NTNG1: variants seen among roughly 807,000 people sequenced by gnomAD.
NTNG1 encodes the protein netrin G1, also known as netrin-G1.
A neutral mutation model predicts 54.0 loss-of-function variants in NTNG1; 16 were observed. The ratio of observed to expected loss-of-function variants is 0.30; its 90% CI spans 0.20 to 0.45. NTNG1 has a LOEUF of 0.45. Among genes scored for constraint, NTNG1 ranks in the 20% least tolerant of loss-of-function variants. The pLI is 1.00. For synonymous variants in NTNG1, 255 were observed against 263.1 expected, an observed-to-expected ratio of 0.97 and a Z score of 0.30; for missense variants, 530 against 678.7, an observed-to-expected ratio of 0.78 and a Z score of 2.43.
chr1:107,179,730 C>A (rs1327890526), intron 2 of NTNG1, among the ~76,000 whole-genome samples: 1 of 152,000 alleles, frequency 6.6e-6, no homozygotes, highest in East Asian at 1.9e-4. Flanking sequence ...TTTCCTGATC[C>A]TCTCCCTCCT....
At chr1:107,327,389 G>C (rs935768524) in intron 3 of NTNG1, among the ~76,000 whole-genome samples, 1 of 152,114 alleles carries the variant, frequency 6.6e-6, no homozygotes, top group Admixed American at 6.6e-5. Flanking sequence ...GTCTGGTTCA[G>C]GGGCCTTTCA....
chr1:107,307,331 GC>G (rs1396953202), intron 2 of NTNG1, among the ~76,000 whole-genome samples: 2 of 152,148 alleles, frequency 1.3e-5, no homozygotes, highest in African/African-American at 2.4e-5. Flanking sequence ...TACAAAGGAG[GC>G]TTTTATAAGA....
intron 3 of NTNG1, among the ~76,000 whole-genome samples, chr1:107,376,116 CAT>C (rs1392562151): frequency 6.6e-6 from 1 of 152,230 alleles, no homozygotes; most frequent in Non-Finnish European, 1.5e-5. Context: ...ATCATCAAAA[CAT>C]ATAATAATAT....
intron 2 of NTNG1, among the ~76,000 whole-genome samples, chr1:107,156,868 T>C (rs1333188335): frequency 6.6e-6 from 1 of 152,170 alleles, no homozygotes; most frequent in Admixed American, 6.5e-5. Context: ...CTTGACCACA[T>C]GGTATTAAGC....
intron 2 of NTNG1, among the ~76,000 whole-genome samples, chr1:107,227,800 A>G (rs1211317343): frequency 6.6e-6 from 1 of 152,108 alleles, no homozygotes; most frequent in Non-Finnish European, 1.5e-5. Context: ...CTTCTTAGAT[A>G]TACTTGAATT....
At chr1:107,454,228 AT>A in intron 7 of NTNG1, among the ~76,000 whole-genome samples, 1 of 152,234 alleles carries the variant, frequency 6.6e-6, no homozygotes, top group South Asian at 2.1e-4. Context: ...AGGCTTACCA[AT>A]TCTCTCTCAC....
intron 2 of NTNG1, among the ~76,000 whole-genome samples, chr1:107,263,136 C>A (rs1174770278): frequency 2.6e-5 from 4 of 152,158 alleles, no homozygotes; most frequent in African/African-American, 9.7e-5. Flanking sequence ...AACCCTGAAG[C>A]TTTGAAATGT....
chr1:107,213,388 T>C (rs1207177968), intron 2 of NTNG1, among the ~76,000 whole-genome samples: 3 of 152,140 alleles, frequency 2.0e-5, no homozygotes, highest in Admixed American at 6.5e-5. Flanking sequence ...CCTGCCACGC[T>C]CTCTCCGCTT....
chr1:107,460,949 G>A (rs1677246288), intron 7 of NTNG1, among the ~76,000 whole-genome samples: 1 of 152,274 alleles, frequency 6.6e-6, no homozygotes, highest in South Asian at 2.1e-4. Flanking sequence ...CCTAGGGTAA[G>A]AGACCAATTA....
intron 7 of NTNG1, among the ~76,000 whole-genome samples, chr1:107,471,275 AAACC>A (rs1017715162): frequency 6.6e-6 from 1 of 152,182 alleles, no homozygotes; most frequent in African/African-American, 2.4e-5. Flanking sequence ...CATTATGCTG[AAACC>A]AAGTAGGTCG....
chr1:107,203,318 C>A (rs1458919854), intron 2 of NTNG1, among the ~76,000 whole-genome samples: 1 of 149,542 alleles, frequency 6.7e-6, no homozygotes, highest in African/African-American at 2.5e-5. Context: ...CTGAAAATGT[C>A]TTTTTTTTTG....
At chr1:107,402,098 T>C (rs1001845428) in intron 4 of NTNG1, among the ~76,000 whole-genome samples, 52 of 152,286 alleles carry the variant, frequency 3.4e-4, no homozygotes, top group African/African-American at 1.2e-3. Context: ...ACTGCCTGTC[T>C]ATTCAACCAC....
At chr1:107,461,603 G>A (rs1571012170) in intron 7 of NTNG1, among the ~76,000 whole-genome samples, 4 of 150,004 alleles carry the variant, frequency 2.7e-5, no homozygotes, top group Non-Finnish European at 3.0e-5. Context: ...GCACAGTCTC[G>A]GCTCACTGCA....
intron 2 of NTNG1, among the ~76,000 whole-genome samples, chr1:107,257,576 C>T (rs967748149): frequency 3.3e-5 from 5 of 152,172 alleles, no homozygotes; most frequent in Non-Finnish European, 7.3e-5. Context: ...CACAGCGGCT[C>T]CAGTCACCTG....
At chr1:107,461,251 T>C (rs1412815447) in intron 7 of NTNG1, among the ~76,000 whole-genome samples, 1 of 152,174 alleles carries the variant, frequency 6.6e-6, no homozygotes, top group Non-Finnish European at 1.5e-5. Flanking sequence ...TGAATAGTCA[T>C]TGAAGGTCTT....
intron 3 of NTNG1, among the ~76,000 whole-genome samples, chr1:107,389,622 C>A (rs891632860): frequency 6.6e-6 from 1 of 152,174 alleles, no homozygotes; most frequent in African/African-American, 2.4e-5. Context: ...CTAGAGCTCA[C>A]TTTTTCTTTT....
At chr1:107,318,485 G>A (rs1158809621) in intron 2 of NTNG1, among the ~76,000 whole-genome samples, 1 of 151,334 alleles carries the variant, frequency 6.6e-6, no homozygotes, top group African/African-American at 2.4e-5. Flanking sequence ...AAATCATATT[G>A]AGGTTGCTAA....
At chr1:107,284,315 C>T (rs900244667) in intron 2 of NTNG1, among the ~76,000 whole-genome samples, 2 of 152,090 alleles carry the variant, frequency 1.3e-5, no homozygotes, top group African/African-American at 4.8e-5. Flanking sequence ...GAATTTGGGC[C>T]ACTCTTGATG....
intron 3 of NTNG1, among the ~76,000 whole-genome samples, chr1:107,384,372 T>A (rs947021782): frequency 3.9e-5 from 6 of 152,194 alleles, no homozygotes; most frequent in African/African-American, 1.4e-4. Flanking sequence ...ACTCATTTAT[T>A]GCCTAAATGT....
Sources: gnomAD v4.1 joint callset for allele counts (sites outside exome capture counted in the v4.1 genomes callset) on GRCh38, gnomAD v4.1.1 for gene constraint, MANE v1.5 for transcripts, NCBI Gene and HGNC (gene_info 2026-07-23, HGNC 2026-07-21) for gene names.